DCUN1D3: variants seen among roughly 807,000 people sequenced by gnomAD.
DCUN1D3 encodes the protein defective in cullin neddylation 1 domain containing 3, also known as DCN1-like protein 3.
Under a neutral mutation model 24.8 loss-of-function variants are expected in DCUN1D3, and 6 were observed. The ratio of observed to expected loss-of-function variants is 0.24; its 90% CI spans 0.13 to 0.48. The LOEUF (loss-of-function observed/expected upper bound fraction) is 0.48, where lower values mean the gene tolerates loss of function less well. DCUN1D3 is among the 20% of genes least tolerant of loss of function. The probability of loss-of-function intolerance (pLI) is 0.99; values close to 1 mark genes in which losing one functional copy is unlikely to be tolerated. For synonymous variants in DCUN1D3, 120 were observed against 144.9 expected (o/e 0.83, Z 1.24); for missense variants, 258 against 379.4 (o/e 0.68, Z 2.66).
rs80172297 is a variant in DCUN1D3, at chr16:20,862,873, T to C, written c.-105-230A>G. On this transcript the variant is annotated intron_variant, in intron 1 of 2. Coordinates refer to ENST00000324344, the MANE Select transcript of DCUN1D3 (RefSeq NM_173475.4). ...CAATGAGGGAAATTCCTAAAATTCT[T>C]AAGGTAACATAGATTTCAAAGAGGC... is the stretch of plus-strand genomic sequence containing the variant. Among the ~76,000 whole-genome samples the C allele has an allele frequency of 7.5e-3, 1,149 of 152,186 alleles. 24 individuals are homozygous for C. Among genetic ancestry groups the C allele is most frequent in the African/African-American group, 0.026 (1,082 of 41,504 alleles).
chr16:20,885,431 G>A (rs1453932381), intron 1 of DCUN1D3, among the ~76,000 whole-genome samples: 3 of 151,762 alleles, frequency 2.0e-5, no homozygotes, highest in Non-Finnish European at 2.9e-5. Flanking sequence ...CCTTTACAGC[G>A]TGTTAACTCA....
intron 1 of DCUN1D3, among the ~76,000 whole-genome samples, chr16:20,898,466 G>C (rs1260567898): frequency 6.6e-6 from 1 of 152,206 alleles, no homozygotes; most frequent in East Asian, 1.9e-4. Context: ...GCACTTAGGA[G>C]TCAATAAATG....
At chr16:20,893,187 T>A (rs952313410) in intron 1 of DCUN1D3, among the ~76,000 whole-genome samples, 5 of 151,798 alleles carry the variant, frequency 3.3e-5, no homozygotes, top group Non-Finnish European at 4.4e-5. Flanking sequence ...TTTTTTTTTT[T>A]AAATGAGACA....
chr16:20,874,889 T>G (rs2081806101), intron 1 of DCUN1D3, among the ~76,000 whole-genome samples: 1 of 152,020 alleles, frequency 6.6e-6, no homozygotes, highest in African/African-American at 2.4e-5. Context: ...TACATTAACA[T>G]GTGCAAAGAT....
chr16:20,864,861 G>A (rs1189136216), intron 1 of DCUN1D3, among the ~76,000 whole-genome samples: 1 of 152,188 alleles, frequency 6.6e-6, no homozygotes, highest in Non-Finnish European at 1.5e-5. Context: ...GGAGCTGGAG[G>A]CTATGATCCT....
chr16:20,877,290 G>T (rs11643676), intron 1 of DCUN1D3, among the ~76,000 whole-genome samples: 8,530 of 152,034 alleles, frequency 0.056, 248 homozygotes, highest in Middle Eastern at 0.13. Context: ...AAGAATAAAT[G>T]GCTGCTTCAT....
Position 20,871,180 on chromosome 16 carries a change from A to T in DCUN1D3, c.-105-8537T>A, listed in dbSNP as rs1379231158. ...TAGGTCTTACCCAGAGCTACTTGGG[A>T]GGGAAAGTTGATCCCTCTGCCAAAG... is the stretch of plus-strand genomic sequence containing the variant. On this transcript the variant is annotated intron_variant, in intron 1 of 2. Transcript: ENST00000324344. Among the ~76,000 whole-genome samples, 6 of 152,332 alleles carry T rather than the reference A, an allele frequency of 3.9e-5. 1 individual carries two copies. The South Asian group carries it at 1.0e-3, about 26-fold the overall frequency.
chr16:20,871,720 C>G (rs534675139), intron 1 of DCUN1D3, among the ~76,000 whole-genome samples: 2 of 152,150 alleles, frequency 1.3e-5, no homozygotes, highest in Non-Finnish European at 2.9e-5. Flanking sequence ...CATGTTTAAT[C>G]CCACATAACT....
intron 1 of DCUN1D3, among the ~76,000 whole-genome samples, chr16:20,873,994 A>G (rs909089377): frequency 6.6e-6 from 1 of 152,184 alleles, no homozygotes; most frequent in African/African-American, 2.4e-5. Context: ...CCTGAATCCA[A>G]CTGTTCCTAG....
chr16:20,871,381 GGGTA>G (rs2081787448), intron 1 of DCUN1D3, among the ~76,000 whole-genome samples: 1 of 152,182 alleles, frequency 6.6e-6, no homozygotes, highest in South Asian at 2.1e-4. Context: ...GGGAGAAAGG[GGGTA>G]GGGAGGACAG....
At position 20,862,589 on chromosome 16, in the gene DCUN1D3, C is replaced by T. The variant is rs781386976; in HGVS notation, c.-51G>A. The T allele has an allele frequency of 1.2e-5, 19 of 1,546,266 alleles. No individual in the cohort carries two copies. The highest frequency in any genetic ancestry group is 1.9e-5 in the Admixed American group (1 of 52,768). On this transcript the variant is annotated 5_prime_UTR_variant, in exon 2 of 3. Coordinates refer to ENST00000324344, the MANE Select transcript of DCUN1D3 (RefSeq NM_173475.4). ...TGGACCCCTCTGGATTGGATGCCCT[C>T]GCTGCCGCTGGCCCATGTACCTCAA...
Position 20,859,540 on chromosome 16 carries a change from CAAAAAAAAA to C in DCUN1D3, c.*337_*345del, listed in dbSNP as rs61506075. 4.2e-5 allele frequency: 3 copies of C among 71,482 alleles called. No homozygotes were observed. The highest frequency in any genetic ancestry group is 7.5e-4 in the South Asian group (2 of 2,662). 4.4% of individuals were successfully genotyped at this position (71,482 alleles called of 1,614,324 possible). A position where few individuals can be genotyped will look rare whatever the true frequency, so the allele number is the denominator to read the frequency against. On this transcript the variant is annotated 3_prime_UTR_variant, in exon 3 of 3. Transcript: ENST00000324344. ...CGCCCTGCTCTATGCCCTCCCCTAC[CAAAAAAAAA>C]AAAAAAAAAACAAAAAAAAACAAAA...
intron 1 of DCUN1D3, among the ~76,000 whole-genome samples, chr16:20,884,174 T>C (rs2081858193): frequency 6.6e-6 from 1 of 152,192 alleles, no homozygotes; most frequent in Non-Finnish European, 1.5e-5. Flanking sequence ...CTCATACTTC[T>C]TATGGAGATT....
intron 2 of DCUN1D3, among the ~76,000 whole-genome samples, chr16:20,861,476 C>G (rs1006475263): frequency 2.0e-5 from 3 of 152,076 alleles, no homozygotes; most frequent in African/African-American, 7.2e-5. Context: ...GTATCCCCTC[C>G]CCAGAGGCAC....
chr16:20,895,977 G>C (rs1179556458), intron 1 of DCUN1D3, among the ~76,000 whole-genome samples: 1 of 152,184 alleles, frequency 6.6e-6, no homozygotes, highest in Non-Finnish European at 1.5e-5. Flanking sequence ...ACTACTTCAA[G>C]TACTTACACA....
intron 1 of DCUN1D3, among the ~76,000 whole-genome samples, chr16:20,888,377 G>A (rs2081876620): frequency 6.6e-6 from 1 of 152,236 alleles, no homozygotes; most frequent in Admixed American, 6.5e-5. Context: ...CCAAGGTCAA[G>A]TGGCAAGTCG....
chr16:20,865,802 C>G (rs1359741099), intron 1 of DCUN1D3, among the ~76,000 whole-genome samples: 1 of 152,040 alleles, frequency 6.6e-6, no homozygotes. Context: ...AATTGGGGGT[C>G]GTCTTCAAGA....
chr16:20,877,597 T>C (rs1324813250), intron 1 of DCUN1D3, among the ~76,000 whole-genome samples: 2 of 152,258 alleles, frequency 1.3e-5, no homozygotes, highest in Non-Finnish European at 2.9e-5. Context: ...CAAGGCTTTA[T>C]TGCTTTAAAT....
intron 1 of DCUN1D3, among the ~76,000 whole-genome samples, chr16:20,865,595 GC>G (rs1427764343): frequency 6.6e-6 from 1 of 152,226 alleles, no homozygotes; most frequent in African/African-American, 2.4e-5. Flanking sequence ...CAGAAGTGTA[GC>G]AGGAAACAGA....
Sources: allele counts gnomAD v4.1 joint callset (sites outside exome capture counted in the v4.1 genomes callset), GRCh38; gene constraint gnomAD v4.1.1; transcripts MANE v1.5; gene names NCBI Gene and HGNC (gene_info 2026-07-23, HGNC 2026-07-21).